The following TFAP2C variants were observed in gnomAD, a reference collection of about 807,000 sequenced individuals.
The protein encoded by TFAP2C is activating enhancer-binding protein 2 gamma.
TFAP2C carries 9 observed loss-of-function variants against 42.9 expected under a neutral mutation model. That is an observed-to-expected ratio of 0.21 (90% CI 0.13 to 0.37). TFAP2C has a LOEUF of 0.37. Ranked by LOEUF, TFAP2C falls within the 10% of genes least tolerant of loss-of-function variation. The pLI is 1.00. For missense variants in TFAP2C, 462 were observed against 591.7 expected (o/e 0.78, Z 2.27); for synonymous variants, 264 against 256.0 (o/e 1.03, Z -0.30).
intron 3 of TFAP2C, among the ~76,000 whole-genome samples, chr20:56,632,708 T>A (rs1224750173): frequency 2.8e-5 from 4 of 143,554 alleles, no homozygotes; most frequent in Non-Finnish European, 1.5e-5. Context: ...TCTTAATGTG[T>A]CCTATGATTT....
In TFAP2C at chr20:56,637,925, T is replaced by C. The variant is rs139254561; in HGVS notation, c.1265T>C (p.Val422Ala). Residue 422 changes from valine to alanine, a missense_variant, in exon 7 of 7, where the codon GTC becomes GCC. Physicochemically the swap from Val to Ala is moderately conservative, Grantham distance 64 (BLOSUM62 0). Around this residue, in one of 5 missense-constraint regions of TFAP2C, gnomAD observed 130 missense variants for 160.8 expected, o/e 0.81. Coordinates refer to ENST00000201031, the MANE Select transcript of TFAP2C (RefSeq NM_003222.4). Reference protein sequence around the residue: ...LQNYIKEALIVIDKSYMNPGD... With the variant: ...LQNYIKEALIAIDKSYMNPGD... ...AACTACATCAAAGAAGCCCTGATTG[T>C]CATAGACAAATCCTACATGAACCCT... 1.9e-6 allele frequency: 3 copies of C among 1,612,922 alleles called. No homozygotes were observed. The highest frequency in any genetic ancestry group is 2.7e-5 in the African/African-American group (2 of 74,896).
chr20:56,637,243 G>A (rs772017736), intron 6 of TFAP2C, among the ~76,000 whole-genome samples: 14 of 152,146 alleles, frequency 9.2e-5, no homozygotes, highest in Non-Finnish European at 1.9e-4. Flanking sequence ...TGAAAATGAT[G>A]GTAAATGAAG....
chr20:56,637,962 T>C lies in TFAP2C; in HGVS notation c.1302T>C (p.Ser434=). ...DKSYMNPGDQ[S]PADSNKTLEK... ...CCTACATGAACCCTGGAGACCAGAG[T>C]CCAGCTGATTCTAACAAAACCCTGG... Residue 434 remains serine (S), a synonymous_variant, in exon 7 of 7, where the codon AGT becomes AGC. Transcript: ENST00000201031. 1 of 1,613,808 alleles carries C rather than the reference T, an allele frequency of 6.2e-7. No individual in the cohort carries two copies. Among genetic ancestry groups the C allele is most frequent in the Non-Finnish European group, 8.5e-7 (1 of 1,179,908 alleles).
chr20:56,633,042 G>GGT (rs527954022), intron 3 of TFAP2C, among the ~76,000 whole-genome samples: 8 of 152,056 alleles, frequency 5.3e-5, no homozygotes, highest in Non-Finnish European at 1.0e-4. Flanking sequence ...TGGCTAACAT[G>GGT]GTGAAACTCC....
At position 56,637,791 on chromosome 20, in the gene TFAP2C, G is replaced by T; in HGVS notation, c.1131G>T (p.Arg377Ser). 1.2e-6 allele frequency: 2 copies of T among 1,614,132 alleles called. No individual in the cohort carries two copies. Among genetic ancestry groups the T allele is most frequent in the Non-Finnish European group, 1.7e-6 (2 of 1,180,018 alleles). ...SQDRTPHGTS[R>S]LAPVLETNIQ... Reference sequence around the variant, plus strand: ...ACCGGACACCCCATGGGACCAGCAGGCTCGCCCCAGTCTTGGAGACGAACA... The same window carrying T: ...ACCGGACACCCCATGGGACCAGCAGTCTCGCCCCAGTCTTGGAGACGAACA... The change falls in exon 7 of 7, where the codon AGG (arginine) becomes AGT (serine). Residue 377 changes from arginine to serine, a missense_variant. Arg to Ser is a moderately radical substitution (Grantham distance 110). Around this residue, in one of 5 missense-constraint regions of TFAP2C, gnomAD observed 130 missense variants for 160.8 expected, o/e 0.81. Transcript: ENST00000201031.
At chr20:56,633,284 T>C (rs1987528775) in intron 3 of TFAP2C, 69 bp from the exon 4 acceptor site, 4 of 1,237,568 alleles carry the variant, frequency 3.2e-6, no homozygotes, top group Non-Finnish European at 2.3e-6. Context: ...CTTTGGTTAT[T>C]GGTTTTGAAA....
At chr20:56,637,217 C>T (rs1423598693) in intron 6 of TFAP2C, among the ~76,000 whole-genome samples, 1 of 152,064 alleles carries the variant, frequency 6.6e-6, no homozygotes, top group Non-Finnish European at 1.5e-5. Context: ...TCATAGAAAC[C>T]AACAGTAAGT....
At chr20:56,633,037 A>T (rs1987521778) in intron 3 of TFAP2C, among the ~76,000 whole-genome samples, 1 of 152,166 alleles carries the variant, frequency 6.6e-6, no homozygotes, top group African/African-American at 2.4e-5. Flanking sequence ...CAGCCTGGCT[A>T]ACATGGTGAA....
rs1478528051 is a variant in TFAP2C at position 56,631,305 on chromosome 20, G to T, written c.149G>T (p.Gly50Val). 1 of 1,607,766 alleles carries T rather than the reference G, an allele frequency of 6.2e-7. No homozygotes were observed. The highest frequency in any genetic ancestry group is 8.5e-7 in the Non-Finnish European group (1 of 1,177,842). Residue 50 changes from glycine to valine, a missense_variant, in exon 2 of 7, where the codon GGA becomes GTA. Around this residue, in one of 5 missense-constraint regions of TFAP2C, gnomAD observed 271 missense variants for 269.7 expected, o/e 1.00. Transcript: ENST00000201031. This position sits in a 1 kb window ranked among gnomAD's most constrained non-coding sequence, Gnocchi z 6.1. ...YSPAPPLSHT[G>V]VAEYQPPPYF... ...CCCGCGCCACCCCTCTCCCACACTG[G>T]AGTCGCCGAATATCAGCCGCCACCC...
intron 6 of TFAP2C, among the ~76,000 whole-genome samples, chr20:56,637,299 A>T (rs1484112646): frequency 2.0e-5 from 3 of 152,216 alleles, no homozygotes. Context: ...AGCGCAGTGA[A>T]CCAGGCTGTG....
At chr20:56,634,084 TA>T (rs1987543493) in intron 4 of TFAP2C, 65 bp from the exon 5 acceptor site, 2 of 1,076,790 alleles carry the variant, frequency 1.9e-6, no homozygotes, top group South Asian at 2.6e-5. Context: ...TTAGAATTTT[TA>T]AAGTGTGCGT....
In TFAP2C at chr20:56,637,884, G is replaced by A. The variant is rs111436406; in HGVS notation, c.1224G>A (p.Ala408=). The change falls in exon 7 of 7, where the codon GCG becomes GCA. Residue 408 remains alanine, a synonymous_variant. Transcript: ENST00000201031. ...TTGGCAGCCAGGCCATCTGTGCCGCGGTGTCTGCCCTGCAGAACTACATCA... is the reference window on the plus strand; with the variant it reads ...TTGGCAGCCAGGCCATCTGTGCCGCAGTGTCTGCCCTGCAGAACTACATCA... ...HGFGSQAICA[A]VSALQNYIKE... is the part of the protein sequence containing the mutation. 4.4e-6 allele frequency: 7 copies of A among 1,600,372 alleles called. No individual in the cohort carries two copies. The East Asian group carries it at 6.7e-5, about 15-fold the overall frequency.
rs377542297 is a variant in TFAP2C at position 56,631,185 on chromosome 20, GTTT to G, written c.49-11_49-9del. On this transcript the variant is annotated splice_polypyrimidine_tract_variant and intron_variant, in intron 1 of 6. Transcript: ENST00000201031. The surrounding 1 kb of genome is among the most constrained non-coding windows in gnomAD (Gnocchi z 6.1). ...GGGTTTCGCACTAACGGGGTCTCCT[GTTT>G]TTTTTTTTCCCTCCAGGATCGCCAC... 2.5e-6 allele frequency: 3 copies of G among 1,191,680 alleles called. No individual in the cohort carries two copies. In the African/African-American group the frequency reaches 4.8e-5, roughly 19 times the overall value. 73.8% of individuals were successfully genotyped at this position (1,191,680 alleles called of 1,614,324 possible).
Position 56,636,744 on chromosome 20 carries a change from T to G in TFAP2C, c.1057T>G (p.Leu353Val). The change falls in exon 6 of 7, where the codon TTG (leucine) becomes GTG (valine). Residue 353 changes from leucine to valine, a missense_variant. Leu to Val is a conservative substitution (Grantham distance 32, BLOSUM62 1). Coordinates refer to ENST00000201031, the MANE Select transcript of TFAP2C (RefSeq NM_003222.4). ...NEMAARKNML[L>V]AAQQLCKEFT... ...GATGGCAGCTAGGAAGAACATGCTA[T>G]TGGCGGCCCAGTAAGTATCTGAACT... 6.2e-7 allele frequency: 1 copy of G among 1,613,152 alleles called. No homozygotes were observed. Among genetic ancestry groups the G allele is most frequent in the Non-Finnish European group, 8.5e-7 (1 of 1,179,672 alleles).
rs546248486 is a variant in TFAP2C, at chr20:56,638,706, G to C, written c.*693G>C. 301 of 144,786 alleles carry C rather than the reference G, an allele frequency of 2.1e-3. 3 individuals carry two copies. Among genetic ancestry groups the C allele is most frequent in the African/African-American group, 7.5e-3 (290 of 38,884 alleles). The allele number at this position is 144,786 out of a possible 1,614,324, so 9.0% of individuals were successfully genotyped here. ...AACTTTGAAAGTTAACTCTTCAAAT[G>C]GGAGACTCTTTGAAATGACATGTTC... On this transcript the variant is annotated 3_prime_UTR_variant, in exon 7 of 7. Coordinates refer to ENST00000201031, the MANE Select transcript of TFAP2C (RefSeq NM_003222.4).
At chr20:56,634,642 T>C (rs1287284536) in intron 5 of TFAP2C, among the ~76,000 whole-genome samples, 2 of 152,250 alleles carry the variant, frequency 1.3e-5, no homozygotes, top group Non-Finnish European at 2.9e-5. Flanking sequence ...GGTTACTTAC[T>C]GGTGAGCAGA....
chr20:56,630,782 C>T lies in TFAP2C; in HGVS notation c.49-423C>T, dbSNP rs768339387. 1.9e-4 allele frequency: 191 copies of T among 985,314 alleles called. No homozygotes were observed. The highest frequency in any genetic ancestry group is 2.1e-4 in the Non-Finnish European group (172 of 829,932). 61.0% of individuals were successfully genotyped at this position (985,314 alleles called of 1,614,324 possible). ...CTGCCGCGCTGCCACCTCCAGCAGTCCCTGCGTCATGGGCGGGCTCCACGA... is the reference window on the plus strand; with the variant it reads ...CTGCCGCGCTGCCACCTCCAGCAGTTCCTGCGTCATGGGCGGGCTCCACGA... On this transcript the variant is annotated intron_variant, in intron 1 of 6. Transcript: ENST00000201031. This position sits in a 1 kb window ranked among gnomAD's most constrained non-coding sequence, Gnocchi z 5.1.
In TFAP2C at chr20:56,630,791, A is replaced by G. The variant is rs537341326; in HGVS notation, c.49-414A>G. ...TGCCACCTCCAGCAGTCCCTGCGTC[A>G]TGGGCGGGCTCCACGAGATAGCTCT... On this transcript the variant is annotated intron_variant, in intron 1 of 6. Transcript: ENST00000201031. The surrounding 1 kb of genome is among the most constrained non-coding windows in gnomAD (Gnocchi z 5.1). The G allele has an allele frequency of 1.0e-6, 1 of 985,210 alleles. No individual in the cohort carries two copies. Among genetic ancestry groups the G allele is most frequent in the Non-Finnish European group, 1.2e-6 (1 of 829,876 alleles). 61.0% of individuals were successfully genotyped at this position (985,210 alleles called of 1,614,324 possible).
chr20:56,629,533 A>G lies in TFAP2C; in HGVS notation c.-12A>G. 7.1e-7 allele frequency: 1 copy of G among 1,416,828 alleles called. No homozygotes were observed. 87.8% of individuals were successfully genotyped at this position (1,416,828 alleles called of 1,614,324 possible). A position where few individuals can be genotyped will look rare whatever the true frequency, so the allele number is the denominator to read the frequency against. ...ATTTAACTGGCGACTGTTTTGGGGG[A>G]CGCCGGACGCCATGTTGTGGAAAAT... On this transcript the variant is annotated 5_prime_UTR_variant, in exon 1 of 7. Coordinates refer to ENST00000201031, the MANE Select transcript of TFAP2C (RefSeq NM_003222.4). The surrounding 1 kb of genome is among the most constrained non-coding windows in gnomAD (Gnocchi z 5.9).
Sources: allele counts gnomAD v4.1 joint callset (sites outside exome capture counted in the v4.1 genomes callset), GRCh38; gene constraint gnomAD v4.1.1; regional missense constraint gnomAD v4.1.1; non-coding constraint Gnocchi (gnomAD v3.1); transcripts MANE v1.5; gene names NCBI Gene and HGNC (gene_info 2026-07-23, HGNC 2026-07-21).